Variants in NTN1 observed in about 807,000 individuals in gnomAD.
NTN1 encodes the protein netrin 1.
NTN1 carries 11 observed loss-of-function variants against 54.2 expected under a neutral mutation model. The ratio of observed to expected loss-of-function variants is 0.20; its 90% CI spans 0.13 to 0.34. The LOEUF (loss-of-function observed/expected upper bound fraction) is 0.34. Among genes scored for constraint, NTN1 ranks in the 10% least tolerant of loss-of-function variants. NTN1 has a pLI of 1.00. For synonymous variants in NTN1, 371 were observed against 382.0 expected, an observed-to-expected ratio of 0.97 and a Z score of 0.33; for missense variants, 740 against 893.1, an observed-to-expected ratio of 0.83 and a Z score of 2.18.
At chr17:9,152,333 T>TC (rs1421785735) in intron 2 of NTN1, among the ~76,000 whole-genome samples, 1 of 152,036 alleles carries the variant, frequency 6.6e-6, no homozygotes, top group East Asian at 1.9e-4. Flanking sequence ...TCCTTTTTTC[T>TC]CCCCCAAAAT....
At chr17:9,031,016 C>T (rs959084850) in intron 2 of NTN1, among the ~76,000 whole-genome samples, 5 of 152,138 alleles carry the variant, frequency 3.3e-5, no homozygotes, top group African/African-American at 9.7e-5. Context: ...TGTGCCCCCT[C>T]CTGGCTGGTG....
chr17:9,053,945 C>A (rs2091969240), intron 2 of NTN1, among the ~76,000 whole-genome samples: 1 of 152,210 alleles, frequency 6.6e-6, no homozygotes, highest in Non-Finnish European at 1.5e-5. Context: ...TAGTCCCCCT[C>A]ACTCAAGGAC....
the NTN1 span, among the ~76,000 whole-genome samples, chr17:9,016,308 G>A: frequency 0.01 from 1,524 of 152,008 alleles, 37 homozygotes; most frequent in Admixed American, 0.049. Flanking sequence ...CACCGTGGCC[G>A]TCTCGTCTCT....
At chr17:9,216,770 C>T (rs935977090) in intron 5 of NTN1, among the ~76,000 whole-genome samples, 4 of 152,170 alleles carry the variant, frequency 2.6e-5, no homozygotes, top group Non-Finnish European at 4.4e-5. Context: ...AGACTGGGTG[C>T]GGTGGCTCAC....
upstream of NTN1, among the ~76,000 whole-genome samples, chr17:9,019,954 A>C (rs2091840393): frequency 1.3e-5 from 2 of 152,188 alleles, no homozygotes; most frequent in African/African-American, 4.8e-5. Flanking sequence ...GGCACAGCTA[A>C]ATTGCTACCC....
chr17:9,223,215 G>A (rs1905423198), intron 6 of NTN1, among the ~76,000 whole-genome samples: 1 of 152,226 alleles, frequency 6.6e-6, no homozygotes, highest in South Asian at 2.1e-4. Context: ...GATAAAGGAA[G>A]TGCGTCTCCA....
chr17:9,181,253 G>A (rs3826469), intron 4 of NTN1, among the ~76,000 whole-genome samples: 54,392 of 151,840 alleles, frequency 0.36, 10,161 homozygotes, highest in Middle Eastern at 0.49. Flanking sequence ...TGCTCTTCCC[G>A]AGGGAAGAGC....
intron 2 of NTN1, among the ~76,000 whole-genome samples, chr17:9,117,362 A>G (rs754792208): frequency 6.6e-6 from 1 of 152,166 alleles, no homozygotes; most frequent in Non-Finnish European, 1.5e-5. Flanking sequence ...TGATGACACC[A>G]GTAGTTGGGC....
chr17:9,154,872 T>C (rs1283412239), intron 2 of NTN1, among the ~76,000 whole-genome samples: 1 of 152,172 alleles, frequency 6.6e-6, no homozygotes, highest in Non-Finnish European at 1.5e-5. Flanking sequence ...CACAGGCCCC[T>C]GCGGTTGAAC....
At chr17:9,148,218 G>A (rs978574306) in intron 2 of NTN1, among the ~76,000 whole-genome samples, 6 of 152,154 alleles carry the variant, frequency 3.9e-5, no homozygotes, top group African/African-American at 7.2e-5. Flanking sequence ...AAATCTCCAC[G>A]TGCTCCTGGG....
chr17:9,101,310 G>A lies in NTN1; in HGVS notation c.1019-61503G>A, dbSNP rs1302764225. ...CCAGTCTATTTCAGGGAGTTGATTC[G>A]TGAGACTCTTAAACAAGACCAGACG... On this transcript the variant is annotated intron_variant, in intron 2 of 6. Transcript: ENST00000173229. Among the ~76,000 whole-genome samples the A allele has an allele frequency of 6.6e-5, 10 of 150,486 alleles. No individual in the cohort carries two copies. The East Asian group carries it at 1.5e-3, about 23-fold the overall frequency.
intron 2 of NTN1, among the ~76,000 whole-genome samples, chr17:9,139,309 C>T (rs778230440): frequency 1.8e-4 from 27 of 152,268 alleles, no homozygotes; most frequent in South Asian, 4.1e-4. Flanking sequence ...CCAGGCCTGA[C>T]GCCATGGGGG....
At chr17:9,107,506 C>T (rs912243263) in intron 2 of NTN1, among the ~76,000 whole-genome samples, 3 of 152,286 alleles carry the variant, frequency 2.0e-5, no homozygotes, top group East Asian at 1.9e-4. Flanking sequence ...GCTGTGTGAA[C>T]GTGGAACCAC....
At chr17:9,061,941 G>T (rs1390609248) in intron 2 of NTN1, among the ~76,000 whole-genome samples, 1 of 152,114 alleles carries the variant, frequency 6.6e-6, no homozygotes, top group Non-Finnish European at 1.5e-5. Context: ...CTGACCTCGT[G>T]ATGCGCCTGC....
At chr17:9,160,473 A>C (rs539268083) in intron 2 of NTN1, among the ~76,000 whole-genome samples, 29 of 152,180 alleles carry the variant, frequency 1.9e-4, no homozygotes, top group Admixed American at 4.6e-4. Flanking sequence ...ATGAAAAAAA[A>C]CCCCCACAAA....
chr17:9,084,720 C>T (rs944711209), intron 2 of NTN1, among the ~76,000 whole-genome samples: 7 of 138,330 alleles, frequency 5.1e-5, no homozygotes, highest in Non-Finnish European at 1.1e-4. Context: ...GGCGTGATCT[C>T]GGCTCACTGC....
intron 3 of NTN1, among the ~76,000 whole-genome samples, chr17:9,163,798 C>T (rs9892706): frequency 0.19 from 28,314 of 151,774 alleles, 2,876 homozygotes; most frequent in African/African-American, 0.25. Context: ...GCCCCCCCCA[C>T]CCCACAAAAT....
At chr17:9,207,157 T>C (rs560634575) in intron 5 of NTN1, among the ~76,000 whole-genome samples, 2 of 152,134 alleles carry the variant, frequency 1.3e-5, no homozygotes, top group Non-Finnish European at 2.9e-5. Flanking sequence ...AGTGAAGACT[T>C]CACTTTGGGG....
intron 3 of NTN1, chr17:9,177,112 C>T (rs2092402148): frequency 6.6e-6 from 1 of 152,438 alleles, no homozygotes; most frequent in African/African-American, 2.4e-5. Context: ...CCTCCATAAA[C>T]CAGAGGAATA....
Sources: gnomAD v4.1 joint callset for allele counts (sites outside exome capture counted in the v4.1 genomes callset) on GRCh38, gnomAD v4.1.1 for gene constraint, MANE v1.5 for transcripts, NCBI Gene and HGNC (gene_info 2026-07-23, HGNC 2026-07-21) for gene names.